FAM133B: variants seen among roughly 807,000 people sequenced by gnomAD.
FAM133B encodes the protein protein FAM133B.
A neutral mutation model predicts 46.4 loss-of-function variants in FAM133B; 25 were observed. The observed-to-expected ratio is 0.54, with a 90% CI of 0.39 to 0.75. The LOEUF (loss-of-function observed/expected upper bound fraction) is 0.75. Ranked by LOEUF, FAM133B falls within the 30% of genes least tolerant of loss-of-function variation. The probability of loss-of-function intolerance (pLI) is 0.00; values close to 1 mark genes in which losing one functional copy is unlikely to be tolerated. For synonymous variants in FAM133B, 75 were observed against 86.0 expected (o/e 0.87, Z 0.71); for missense variants, 205 against 277.6 (o/e 0.74, Z 1.86).
intron 1 of FAM133B, among the ~76,000 whole-genome samples, chr7:92,585,880 C>T (rs1035056057): frequency 1.3e-5 from 2 of 152,130 alleles, no homozygotes; most frequent in East Asian, 1.9e-4. Context: ...AATCCAACCA[C>T]AATACTGCCA....
chr7:92,580,859 A>G (rs1046855098), intron 2 of FAM133B, among the ~76,000 whole-genome samples: 3 of 152,236 alleles, frequency 2.0e-5, no homozygotes, highest in African/African-American at 4.8e-5. Flanking sequence ...ATGGTTAACA[A>G]TGGCATTCAC....
intron 9 of FAM133B, 42 bp downstream of exon 9, chr7:92,569,781 A>G (rs1302577167): frequency 9.5e-6 from 9 of 949,212 alleles, no homozygotes; most frequent in African/African-American, 1.8e-5. Context: ...TCAATAACTA[A>G]GCATTTTAAA....
At chr7:92,572,799 A>G (rs1794571166) in intron 8 of FAM133B, among the ~76,000 whole-genome samples, 1 of 152,216 alleles carries the variant, frequency 6.6e-6, no homozygotes, top group Admixed American at 6.5e-5. Context: ...TATTTGTATT[A>G]CTGAAAAATT....
At chr7:92,586,960 CT>C (rs1403031711) in intron 1 of FAM133B, among the ~76,000 whole-genome samples, 1 of 152,124 alleles carries the variant, frequency 6.6e-6, no homozygotes, top group Non-Finnish European at 1.5e-5. Context: ...AGAGTGACCC[CT>C]AATGCAAACT....
At chr7:92,581,996 C>A (rs890108707) in intron 1 of FAM133B, among the ~76,000 whole-genome samples, 7 of 152,120 alleles carry the variant, frequency 4.6e-5, no homozygotes, top group African/African-American at 1.7e-4. Flanking sequence ...CGCCTGTAAC[C>A]CCAGCACTTT....
chr7:92,584,047 C>CAAAAAAAAA (rs765172200), intron 1 of FAM133B, among the ~76,000 whole-genome samples: 3 of 36,794 alleles, frequency 8.2e-5, no homozygotes, highest in Non-Finnish European at 1.0e-4. Flanking sequence ...AAGACTGTCT[C>CAAAAAAAAA]AAAAAAAAAA....
chr7:92,577,157 G>A lies in FAM133B; in HGVS notation c.411C>T (p.Asn137=). ...KQGKRRKKKK[N]RSHKSSESSM... ...AGCTTTCAGAAGATTTATGTGAACGGTTCTTCTTTTTCTTTCTCCGTTTTC... is the reference window on the plus strand; with the variant it reads ...AGCTTTCAGAAGATTTATGTGAACGATTCTTCTTTTTCTTTCTCCGTTTTC... Residue 137 remains asparagine (N), a synonymous_variant, in exon 7 of 11, where the codon AAC becomes AAT. Transcript: ENST00000445716. The A allele has an allele frequency of 6.7e-7, 1 of 1,498,068 alleles. No homozygotes were observed. The highest frequency in any genetic ancestry group is 8.9e-7 in the Non-Finnish European group (1 of 1,121,012). 92.8% of individuals were successfully genotyped at this position (1,498,068 alleles called of 1,614,324 possible).
chr7:92,582,897 GGT>G (rs1425911094), intron 1 of FAM133B, among the ~76,000 whole-genome samples: 1 of 152,112 alleles, frequency 6.6e-6, no homozygotes, highest in Non-Finnish European at 1.5e-5. Context: ...AATGTAAAAC[GGT>G]GTGGCCACTG....
chr7:92,567,979 GT>G (rs1255650568), intron 9 of FAM133B, among the ~76,000 whole-genome samples: 1 of 152,150 alleles, frequency 6.6e-6, no homozygotes, highest in African/African-American at 2.4e-5. Flanking sequence ...GGCCAGGCTG[GT>G]CTTTAACTCC....
Position 92,581,487 on chromosome 7 carries a change from T to C in FAM133B, c.122+19A>G. ...AAGTTGATAAAAGCTTATAAATAGG[T>C]AAAGTGTTTCACAAATACCAGGTAG... On this transcript the variant is annotated intron_variant, in intron 2 of 10. Transcript: ENST00000445716. 2.5e-6 allele frequency: 4 copies of C among 1,591,982 alleles called. No homozygotes were observed. Among genetic ancestry groups the C allele is most frequent in the Non-Finnish European group, 3.4e-6 (4 of 1,161,356 alleles).
At chr7:92,566,289 T>C (rs1468604450) in intron 9 of FAM133B, among the ~76,000 whole-genome samples, 1 of 152,138 alleles carries the variant, frequency 6.6e-6, no homozygotes, top group Non-Finnish European at 1.5e-5. Context: ...TCTCTTATAT[T>C]CCCTTTCAGC....
At chr7:92,573,361 C>T (rs897559180) in intron 8 of FAM133B, among the ~76,000 whole-genome samples, 1 of 151,650 alleles carries the variant, frequency 6.6e-6, no homozygotes, top group Admixed American at 6.6e-5. Context: ...CACTATGTTG[C>T]CCAGGCTGGT....
intron 9 of FAM133B, among the ~76,000 whole-genome samples, chr7:92,566,511 A>G (rs1037696190): frequency 2.0e-5 from 3 of 152,076 alleles, no homozygotes. Context: ...GCACAGTGGC[A>G]TGTGCCTGTA....
chr7:92,564,351 C>T (rs2116372851), intron 10 of FAM133B, among the ~76,000 whole-genome samples: 1 of 152,314 alleles, frequency 6.6e-6, no homozygotes, highest in African/African-American at 2.4e-5. Flanking sequence ...ATCTCATACT[C>T]TTTTGTACTC....
intron 8 of FAM133B, among the ~76,000 whole-genome samples, chr7:92,572,986 T>C (rs1028005369): frequency 2.0e-5 from 3 of 151,886 alleles, no homozygotes; most frequent in African/African-American, 7.3e-5. Flanking sequence ...ACCATTTTGA[T>C]AATACACAGT....
At chr7:92,563,651 T>C (rs529206326) in intron 10 of FAM133B, among the ~76,000 whole-genome samples, 1 of 152,328 alleles carries the variant, frequency 6.6e-6, no homozygotes, top group South Asian at 2.1e-4. Flanking sequence ...AAGTGCCTCA[T>C]TAACAGCTCT....
intron 1 of FAM133B, among the ~76,000 whole-genome samples, chr7:92,586,502 G>C (rs1017842640): frequency 1.3e-5 from 2 of 152,116 alleles, no homozygotes; most frequent in Non-Finnish European, 2.9e-5. Context: ...CTAAAATATA[G>C]AGATTGTGCA....
chr7:92,562,871 TTAAATTAA>T (rs1363111566), intron 10 of FAM133B, among the ~76,000 whole-genome samples: 4 of 152,216 alleles, frequency 2.6e-5, no homozygotes, highest in African/African-American at 9.6e-5. Context: ...TATTAAATTA[TTAAATTAA>T]AATCAACTAA....
At chr7:92,576,981 T>A (rs1794719373) in intron 7 of FAM133B, 122 bp downstream of exon 7, 1 of 479,370 alleles carries the variant, frequency 2.1e-6, no homozygotes, top group African/African-American at 2.0e-5. Context: ...ATCAATTAAG[T>A]GGCATAGAAC....
Sources: gnomAD v4.1 joint callset for allele counts (sites outside exome capture counted in the v4.1 genomes callset) on GRCh38, gnomAD v4.1.1 for gene constraint, MANE v1.5 for transcripts, NCBI Gene and HGNC (gene_info 2026-07-23, HGNC 2026-07-21) for gene names.